The following XDH variants were observed in gnomAD, a reference collection of about 807,000 sequenced individuals.
XDH encodes the protein xanthine dehydrogenase/oxidase.
A neutral mutation model predicts 156.1 loss-of-function variants in XDH; 138 were observed. The observed-to-expected ratio is 0.88, with a 90% CI of 0.77 to 1.02. The LOEUF (loss-of-function observed/expected upper bound fraction) is 1.02. Among genes scored for constraint, XDH ranks in the 50% least tolerant of loss-of-function variants. XDH has a pLI of 0.00. For missense variants in XDH, 1,849 were observed against 1,684.9 expected, an observed-to-expected ratio of 1.10 and a Z score of -1.71; for synonymous variants, 669 against 625.7, an observed-to-expected ratio of 1.07 and a Z score of -1.03.
At chr2:31,369,470 T>C (rs1439118350) in intron 18 of XDH, among the ~76,000 whole-genome samples, 2 of 152,184 alleles carry the variant, frequency 1.3e-5, no homozygotes, top group African/African-American at 4.8e-5. Context: ...ACACATCACT[T>C]TAGAAGATGA....
chr2:31,349,630 A>G, intron 26 of XDH, 56 bp downstream of exon 26: 1 of 1,612,884 alleles, frequency 6.2e-7, no homozygotes, highest in Non-Finnish European at 8.5e-7. Context: ...GTCAGCAGAA[A>G]GGCTGTAGGA....
At chr2:31,343,488 T>C (rs1416833317) in intron 31 of XDH, among the ~76,000 whole-genome samples, 2 of 125,568 alleles carry the variant, frequency 1.6e-5, no homozygotes, top group Non-Finnish European at 3.4e-5. Context: ...TACATATATA[T>C]GCCTTATATA....
At chr2:31,398,847 T>A in intron 4 of XDH, 148 bp from the exon 5 acceptor site, 1 of 1,348,536 alleles carries the variant, frequency 7.4e-7, no homozygotes, top group Non-Finnish European at 1.0e-6. Flanking sequence ...ATTTACCAAC[T>A]GTGACCTTGG....
intron 1 of XDH, among the ~76,000 whole-genome samples, chr2:31,408,748 T>C (rs1166913575): frequency 6.6e-6 from 1 of 152,142 alleles, no homozygotes; most frequent in Non-Finnish European, 1.5e-5. Flanking sequence ...AAATTAAGAA[T>C]GGAGCTACCA....
intron 24 of XDH, among the ~76,000 whole-genome samples, chr2:31,358,294 G>C (rs1194784719): frequency 6.6e-6 from 1 of 152,082 alleles, no homozygotes; most frequent in Non-Finnish European, 1.5e-5. Context: ...CAGAAAAGAA[G>C]TCTCCAGGTC....
intron 24 of XDH, among the ~76,000 whole-genome samples, chr2:31,361,892 GTC>G (rs1222359629): frequency 6.6e-6 from 1 of 152,090 alleles, no homozygotes; most frequent in Non-Finnish European, 1.5e-5. Flanking sequence ...GAATAATACG[GTC>G]TCTCTGATCT....
intron 28 of XDH, 83 bp from the exon 29 acceptor site, chr2:31,347,733 T>C: frequency 6.5e-7 from 1 of 1,547,106 alleles, no homozygotes; most frequent in South Asian, 1.2e-5. Context: ...GGATTCACAT[T>C]CACTGTTACA....
At chr2:31,402,300 C>T (rs958465515) in intron 3 of XDH, among the ~76,000 whole-genome samples, 1 of 152,144 alleles carries the variant, frequency 6.6e-6, no homozygotes, top group Admixed American at 6.5e-5. Flanking sequence ...TGCTTTTTGC[C>T]TGTGTCCATC....
intron 2 of XDH, 39 bp downstream of exon 2, chr2:31,405,867 GC>G (rs745579433): frequency 1.6e-5 from 26 of 1,609,718 alleles, no homozygotes; most frequent in Non-Finnish European, 2.0e-5. Context: ...AGTCACCATT[GC>G]CCCCCTTCTC....
At chr2:31,354,243 G>A (rs1408076130) in intron 24 of XDH, among the ~76,000 whole-genome samples, 2 of 152,180 alleles carry the variant, frequency 1.3e-5, no homozygotes, top group Non-Finnish European at 2.9e-5. Context: ...ATCCACCACT[G>A]CTAGAGCAAG....
chr2:31,414,571 C>T, intron 1 of XDH, 54 bp downstream of exon 1: 1 of 1,608,006 alleles, frequency 6.2e-7, no homozygotes, highest in Non-Finnish European at 8.5e-7. Context: ...CCAGAGGACA[C>T]ATTTCCCCTC....
chr2:31,337,502 A>G (rs953161801), intron 35 of XDH, 139 bp downstream of exon 35: 4 of 1,176,878 alleles, frequency 3.4e-6, no homozygotes, highest in Admixed American at 1.8e-5. Flanking sequence ...ACCATGCACA[A>G]TGAAGGGTGG....
intron 26 of XDH, among the ~76,000 whole-genome samples, chr2:31,349,210 A>T (rs7557095): frequency 3.3e-5 from 5 of 151,948 alleles, no homozygotes; most frequent in South Asian, 2.1e-4. Context: ...CATCTCCAGG[A>T]GGCACTGTGC....
intron 24 of XDH, among the ~76,000 whole-genome samples, chr2:31,351,078 A>G (rs1277462203): frequency 1.3e-5 from 2 of 152,142 alleles, no homozygotes; most frequent in Non-Finnish European, 2.9e-5. Context: ...TTTTATGGAA[A>G]AGGAGAATTT....
chr2:31,364,978 G>C (rs978086825), intron 23 of XDH, among the ~76,000 whole-genome samples: 1 of 152,184 alleles, frequency 6.6e-6, no homozygotes, highest in African/African-American at 2.4e-5. Flanking sequence ...CCAGAAGAGG[G>C]ACTGTCCCAG....
At chr2:31,408,144 G>A (rs968481560) in intron 1 of XDH, among the ~76,000 whole-genome samples, 1 of 152,044 alleles carries the variant, frequency 6.6e-6, no homozygotes, top group African/African-American at 2.4e-5. Flanking sequence ...TTCATTTTCA[G>A]CCTTTCTCCC....
Position 31,368,673 on chromosome 2 carries a change from A to G in XDH, c.1981-13T>C. 2 of 1,614,228 alleles carry G rather than the reference A, an allele frequency of 1.2e-6. No homozygotes were observed. On this transcript the variant is annotated splice_polypyrimidine_tract_variant and intron_variant, in intron 18 of 35. Transcript: ENST00000379416. ...CAACACAAGTAACCTAGTAGCAGAG[A>G]CAGACTGTTAAAGAACGCAACCAGG...
intron 4 of XDH, among the ~76,000 whole-genome samples, 200 bp from the exon 5 acceptor site, chr2:31,398,899 G>C (rs1228971472): frequency 3.3e-5 from 5 of 152,210 alleles, no homozygotes; most frequent in Non-Finnish European, 5.9e-5. Flanking sequence ...TCATCTGTAT[G>C]ATGAGGACCA....
At position 31,365,504 on chromosome 2, in the gene XDH, C is replaced by T. The variant is rs1299214870; in HGVS notation, c.2497G>A (p.Asp833Asn). 12 of 1,614,052 alleles carry T rather than the reference C, an allele frequency of 7.4e-6. No homozygotes were observed. The highest frequency in any genetic ancestry group is 4.0e-5 in the African/African-American group (3 of 74,928). The change falls in exon 23 of 36, where the codon GAC (aspartate) becomes AAC (asparagine). Residue 833 changes from aspartate to asparagine, a missense_variant. Coordinates refer to ENST00000379416, the MANE Select transcript of XDH (RefSeq NM_000379.4). ...PVRCMLDRDE[D>N]MLITGGRHPF... Reference sequence around the variant, plus strand: ...TGTCTGCCACCAGTTATCAGCATGTCCTCATCACGGTCCAGCATGCATCGC... The same window carrying T: ...TGTCTGCCACCAGTTATCAGCATGTTCTCATCACGGTCCAGCATGCATCGC...
Sources: allele counts gnomAD v4.1 joint callset (sites outside exome capture counted in the v4.1 genomes callset), GRCh38; gene constraint gnomAD v4.1.1; transcripts MANE v1.5; gene names NCBI Gene and HGNC (gene_info 2026-07-23, HGNC 2026-07-21).